SLC39A11: variants seen among roughly 807,000 people sequenced by gnomAD.
SLC39A11 encodes zinc transporter ZIP11.
SLC39A11 carries 33 observed loss-of-function variants against 36.1 expected under a neutral mutation model. That is an observed-to-expected ratio of 0.91 (90% CI 0.69 to 1.22). The LOEUF (loss-of-function observed/expected upper bound fraction) is 1.22. SLC39A11 is among the 50% of genes most tolerant of loss of function. The pLI is 0.00. For missense variants in SLC39A11, 432 were observed against 430.3 expected (o/e 1.00, Z -0.03); for synonymous variants, 166 against 170.3 (o/e 0.97, Z 0.20).
At chr17:72,697,736 C>A (rs1317908825) in intron 7 of SLC39A11, among the ~76,000 whole-genome samples, 1 of 150,638 alleles carries the variant, frequency 6.6e-6, no homozygotes, top group East Asian at 2.0e-4. Flanking sequence ...CAGAGCAGAA[C>A]CCCCCACCCC....
At chr17:72,925,438 TAC>T (rs1038524522) in intron 5 of SLC39A11, among the ~76,000 whole-genome samples, 16 of 152,202 alleles carry the variant, frequency 1.1e-4, no homozygotes, top group African/African-American at 3.9e-4. Context: ...GACTGTATTA[TAC>T]AGTCATCCCT....
intron 6 of SLC39A11, among the ~76,000 whole-genome samples, chr17:72,802,263 C>G (rs2077111768): frequency 6.6e-6 from 1 of 152,098 alleles, no homozygotes. Flanking sequence ...CAAGAGAAGG[C>G]CTGCAGGTCC....
intron 6 of SLC39A11, among the ~76,000 whole-genome samples, chr17:72,831,972 T>C (rs776100539): frequency 5.3e-5 from 8 of 152,088 alleles, no homozygotes; most frequent in Non-Finnish European, 1.2e-4. Flanking sequence ...ATAGTAGTAG[T>C]AGGAAGAAGA....
At chr17:73,081,629 A>G (rs2060514225) in intron 3 of SLC39A11, among the ~76,000 whole-genome samples, 1 of 87,202 alleles carries the variant, frequency 1.1e-5, no homozygotes, top group Non-Finnish European at 2.1e-5. Flanking sequence ...ATATATATAT[A>G]CATACACACA....
At position 72,991,599 on chromosome 17, in the gene SLC39A11, T is replaced by TCCCCC. The variant is rs113884833; in HGVS notation, c.306+39952_306+39956dup. 1.5e-3 allele frequency among the ~76,000 whole-genome samples: 233 copies of TCCCCC among 150,730 alleles called. 1 individual carries two copies. Among genetic ancestry groups the TCCCCC allele is most frequent in the African/African-American group, 5.5e-3 (223 of 40,898 alleles). On this transcript the variant is annotated intron_variant, in intron 4 of 9. Coordinates refer to ENST00000255559, the MANE Select transcript of SLC39A11 (RefSeq NM_139177.4). Reference sequence around the variant, plus strand: ...GTCTTGAACTCCTGATCTCAGATAATCCCCCCGCCTTGGCCTCCCAAAGTG... The same window carrying TCCCCC: ...GTCTTGAACTCCTGATCTCAGATAATCCCCCCCCCCCGCCTTGGCCTCCCAAAGTG...
At chr17:72,770,678 C>A (rs549533257) in intron 6 of SLC39A11, among the ~76,000 whole-genome samples, 81 of 152,304 alleles carry the variant, frequency 5.3e-4, no homozygotes, top group African/African-American at 1.8e-3. Context: ...TCTCAGAGGA[C>A]CTGGGCTGAT....
chr17:73,066,223 G>A (rs1241753956), intron 3 of SLC39A11, among the ~76,000 whole-genome samples: 2 of 152,094 alleles, frequency 1.3e-5, no homozygotes, highest in African/African-American at 4.8e-5. Context: ...AGAGGCCCAG[G>A]CAAAAGGCAA....
intron 5 of SLC39A11, among the ~76,000 whole-genome samples, chr17:72,935,126 C>T (rs2147496444): frequency 6.6e-6 from 1 of 152,296 alleles, no homozygotes; most frequent in South Asian, 2.1e-4. Context: ...AAATGTCCTT[C>T]AACTGGTGAA....
intron 7 of SLC39A11, among the ~76,000 whole-genome samples, chr17:72,698,318 C>T (rs2072414948): frequency 6.6e-6 from 1 of 152,134 alleles, no homozygotes; most frequent in African/African-American, 2.4e-5. Context: ...GGTTACTCTC[C>T]AAAACCGTTT....
intron 6 of SLC39A11, among the ~76,000 whole-genome samples, chr17:72,826,546 G>T (rs1389486041): frequency 1.3e-5 from 2 of 152,168 alleles, no homozygotes; most frequent in Non-Finnish European, 2.9e-5. Flanking sequence ...TTAGAAAAGG[G>T]TTAAAATCAG....
At chr17:73,012,046 G>A (rs1210082615) in intron 4 of SLC39A11, among the ~76,000 whole-genome samples, 2 of 150,610 alleles carry the variant, frequency 1.3e-5, no homozygotes, top group African/African-American at 4.9e-5. Context: ...AGGCCGAGGC[G>A]TGTAGATCAC....
At chr17:73,066,992 A>G (rs2060015511) in intron 3 of SLC39A11, among the ~76,000 whole-genome samples, 1 of 152,210 alleles carries the variant, frequency 6.6e-6, no homozygotes, top group African/African-American at 2.4e-5. Flanking sequence ...AAGTTCATGT[A>G]TTACTTCTTC....
chr17:72,996,689 G>A (rs905267555), intron 4 of SLC39A11, among the ~76,000 whole-genome samples: 2 of 152,058 alleles, frequency 1.3e-5, no homozygotes, highest in Non-Finnish European at 2.9e-5. Context: ...ACTCTAGTAC[G>A]ACCTCATCTT....
At chr17:72,688,309 A>AG (rs1290719150) in intron 7 of SLC39A11, among the ~76,000 whole-genome samples, 2 of 152,236 alleles carry the variant, frequency 1.3e-5, no homozygotes, top group East Asian at 3.8e-4. Context: ...CCAGGCTACG[A>AG]GGGGGCCCAG....
At chr17:72,976,970 GT>G (rs2087898984) in intron 4 of SLC39A11, among the ~76,000 whole-genome samples, 1 of 152,188 alleles carries the variant, frequency 6.6e-6, no homozygotes. Context: ...CCCCAAAGAT[GT>G]TTTGCCCTTA....
chr17:72,989,672 G>C (rs2089030003), intron 4 of SLC39A11, among the ~76,000 whole-genome samples: 1 of 152,188 alleles, frequency 6.6e-6, no homozygotes, highest in South Asian at 2.1e-4. Flanking sequence ...GGCTTTGAGT[G>C]AAGACTGTTT....
intron 4 of SLC39A11, among the ~76,000 whole-genome samples, chr17:72,985,286 C>G (rs1354612321): frequency 6.6e-6 from 1 of 152,098 alleles, no homozygotes; most frequent in African/African-American, 2.4e-5. Context: ...CAGAGTCGCT[C>G]TCTGAATTTT....
rs56021607 is a variant in SLC39A11 at position 73,062,475 on chromosome 17, A to AAAAAAAAAAAAACC, written c.147+22332_147+22333insGGTTTTTTTTTTTT. ...AGAGCTTGTCTCAAAAAAAAAAAAA[A>AAAAAAAAAAAAACC]AAACTTTAGGTGATACACTTCTGCT... is the stretch of plus-strand genomic sequence containing the variant. On this transcript the variant is annotated intron_variant, in intron 3 of 9. Coordinates refer to ENST00000255559, the MANE Select transcript of SLC39A11 (RefSeq NM_139177.4). Among the ~76,000 whole-genome samples, 46 of 87,042 alleles carry AAAAAAAAAAAAACC rather than the reference A, an allele frequency of 5.3e-4. 1 individual carries two copies. The highest frequency in any genetic ancestry group is 8.3e-4 in the Non-Finnish European group (39 of 46,908). 57.1% of individuals were successfully genotyped at this position (87,042 alleles called of 152,430 possible).
intron 7 of SLC39A11, among the ~76,000 whole-genome samples, chr17:72,718,342 G>A (rs1427646941): frequency 6.6e-6 from 1 of 152,210 alleles, no homozygotes; most frequent in Admixed American, 6.5e-5. Flanking sequence ...GTGAGGCTGA[G>A]GCAGGAGAAT....
Sources: allele counts gnomAD v4.1 joint callset (sites outside exome capture counted in the v4.1 genomes callset), GRCh38; gene constraint gnomAD v4.1.1; transcripts MANE v1.5; gene names NCBI Gene and HGNC (gene_info 2026-07-23, HGNC 2026-07-21).